The following FGD4 variants were observed in gnomAD, a reference collection of about 807,000 sequenced individuals.
The protein encoded by FGD4 is FYVE, RhoGEF and PH domain-containing protein 4.
FGD4 carries 42 observed loss-of-function variants against 102.0 expected under a neutral mutation model. The ratio of observed to expected loss-of-function variants is 0.41; its 90% CI spans 0.32 to 0.53. FGD4 has a LOEUF of 0.53. FGD4 is among the 20% of genes least tolerant of loss of function. The probability of loss-of-function intolerance (pLI) is 0.21; values close to 1 mark genes in which losing one functional copy is unlikely to be tolerated. For synonymous variants in FGD4, 380 were observed against 375.7 expected (o/e 1.01, Z -0.13); for missense variants, 902 against 1,078.2 (o/e 0.84, Z 2.29).
intron 1 of FGD4, among the ~76,000 whole-genome samples, chr12:32,516,112 G>A (rs1939856021): frequency 6.6e-6 from 1 of 152,100 alleles, no homozygotes; most frequent in African/African-American, 2.4e-5. Flanking sequence ...AACAATTGGG[G>A]GGTGGGGGAT....
intron 1 of FGD4, among the ~76,000 whole-genome samples, chr12:32,441,047 G>A (rs951276503): frequency 6.6e-6 from 1 of 152,170 alleles, no homozygotes; most frequent in African/African-American, 2.4e-5. Context: ...TCAGGGAAGT[G>A]GGCTCCCCTC....
intron 1 of FGD4, among the ~76,000 whole-genome samples, chr12:32,442,829 A>G (rs975822874): frequency 2.6e-5 from 4 of 152,088 alleles, no homozygotes; most frequent in African/African-American, 9.7e-5. Flanking sequence ...AAGTGTTGGG[A>G]TTACAGGCAT....
chr12:32,444,324 AC>A (rs1362458490), intron 1 of FGD4, among the ~76,000 whole-genome samples: 1 of 152,088 alleles, frequency 6.6e-6, no homozygotes, highest in Non-Finnish European at 1.5e-5. Flanking sequence ...CACCCAGCCA[AC>A]AGGCTGATTT....
In FGD4 at chr12:32,557,184, T is replaced by C. The variant is rs1007464585; in HGVS notation, c.167-6953T>C. Among the ~76,000 whole-genome samples the C allele has an allele frequency of 2.0e-5, 3 of 152,362 alleles. No individual in the cohort carries two copies. In the East Asian group the frequency reaches 5.8e-4, roughly 29 times the overall value. ...TGCTTTTTTAAAAGTCTCTGTGATA[T>C]GTATACTTGGTGACTTTCATAGATT... On this transcript the variant is annotated intron_variant, in intron 1 of 16. Transcript: ENST00000534526.
intron 1 of FGD4, among the ~76,000 whole-genome samples, chr12:32,427,218 C>G (rs994051246): frequency 2.0e-5 from 3 of 152,260 alleles, no homozygotes; most frequent in East Asian, 3.9e-4. Context: ...ATGAATTTCC[C>G]TCTAAACACT....
At chr12:32,413,759 C>T (rs1941295178) in intron 1 of FGD4, among the ~76,000 whole-genome samples, 2 of 152,134 alleles carry the variant, frequency 1.3e-5, no homozygotes, top group African/African-American at 4.8e-5. Context: ...GACTGTACTT[C>T]GGACCATGGT....
intron 1 of FGD4, among the ~76,000 whole-genome samples, chr12:32,417,927 T>C (rs201788741): frequency 1.4e-5 from 2 of 146,694 alleles, no homozygotes; most frequent in East Asian, 4.1e-4. Context: ...TCTGTTTTTT[T>C]CCAGGAATGG....
At chr12:32,541,616 A>G (rs1592158218) in intron 1 of FGD4, among the ~76,000 whole-genome samples, 1 of 152,234 alleles carries the variant, frequency 6.6e-6, no homozygotes, top group Non-Finnish European at 1.5e-5. Context: ...CGCCCGCCTC[A>G]GCCTCCCAAA....
In FGD4 at chr12:32,601,984, G is replaced by A. The variant is rs12298671; in HGVS notation, c.1248-177G>A. Among the ~76,000 whole-genome samples, 13,794 of 152,168 alleles carry A rather than the reference G, an allele frequency of 0.091. 2,093 individuals carry two copies. The highest frequency in any genetic ancestry group is 0.31 in the African/African-American group (13,014 of 41,472). On this transcript the variant is annotated intron_variant, in intron 6 of 16. Transcript: ENST00000534526. ...CTAGCCACTAGCCAGGCGTGGTGGCGCGTGCCTGTAGTCCCAGCTACTGAG... is the reference window on the plus strand; with the variant it reads ...CTAGCCACTAGCCAGGCGTGGTGGCACGTGCCTGTAGTCCCAGCTACTGAG...
At chr12:32,607,817 A>T in intron 7 of FGD4, 140 bp from the exon 8 acceptor site, 1 of 881,926 alleles carries the variant, frequency 1.1e-6, no homozygotes, top group Non-Finnish European at 1.8e-6. Context: ...CCTGGCCAGA[A>T]ATCTGCATTT....
chr12:32,459,125 G>A (rs1478552498), intron 1 of FGD4, among the ~76,000 whole-genome samples: 1 of 150,622 alleles, frequency 6.6e-6, no homozygotes, highest in African/African-American at 2.4e-5. Context: ...AGCAGGAAGA[G>A]TTGGGCCAGC....
intron 1 of FGD4, among the ~76,000 whole-genome samples, chr12:32,532,886 ATTT>A (rs995444991): frequency 1.3e-5 from 2 of 152,122 alleles, no homozygotes; most frequent in African/African-American, 4.8e-5. Flanking sequence ...TGTAAAGCTT[ATTT>A]ATTTATGCCT....
intron 4 of FGD4, among the ~76,000 whole-genome samples, chr12:32,587,187 CAAAAAAAAAAAAA>C (rs1181469038): frequency 0.023 from 1,508 of 66,208 alleles, 48 homozygotes; most frequent in African/African-American, 0.069. Context: ...GAGACTCTCT[CAAAAAAAAAAAAA>C]AAAAAAAAAA....
intron 10 of FGD4, among the ~76,000 whole-genome samples, chr12:32,616,053 C>T (rs144285496): frequency 6.6e-5 from 10 of 152,212 alleles, no homozygotes; most frequent in South Asian, 2.1e-4. Flanking sequence ...AATAAAAAGA[C>T]GTGCTTAATA....
chr12:32,496,422 T>C (rs1018188394), intron 1 of FGD4, among the ~76,000 whole-genome samples: 1 of 152,216 alleles, frequency 6.6e-6, no homozygotes, highest in African/African-American at 2.4e-5. Context: ...CTATTTTATC[T>C]TGTTAGCTCC....
In FGD4 at chr12:32,625,682, G is replaced by A; in HGVS notation, c.2075G>A (p.Arg692Lys). 2 of 1,613,968 alleles carry A rather than the reference G, an allele frequency of 1.2e-6. No homozygotes were observed. The highest frequency in any genetic ancestry group is 2.2e-5 in the East Asian group (1 of 44,880). The change falls in exon 14 of 17, where the codon AGA becomes AAA. Residue 692 changes from arginine to lysine, a missense_variant. This residue lies in a region of FGD4 where 459 missense variants were observed against 619.0 expected (regional missense o/e 0.74). Coordinates refer to ENST00000534526, the MANE Select transcript of FGD4 (RefSeq NM_001370298.3). ...GCTGAGCTAGGGAAAAGAGCCCCAAGATGGATCCGAGATAATGAAGTGACA... is the reference window on the plus strand; with the variant it reads ...GCTGAGCTAGGGAAAAGAGCCCCAAAATGGATCCGAGATAATGAAGTGACA... ...STAELGKRAP[R>K]WIRDNEVTMC...
At chr12:32,474,162 A>G (rs935597626) in intron 1 of FGD4, among the ~76,000 whole-genome samples, 3 of 152,120 alleles carry the variant, frequency 2.0e-5, no homozygotes, top group Non-Finnish European at 4.4e-5. Flanking sequence ...GAAATGTAAA[A>G]TGGTACAGTT....
At chr12:32,450,563 T>G (rs2728713) in intron 1 of FGD4, among the ~76,000 whole-genome samples, 67,062 of 151,590 alleles carry the variant, frequency 0.44, 16,475 homozygotes, top group African/African-American at 0.67. Context: ...CCCTACCCTG[T>G]TACTAGAATC....
chr12:32,581,853 G>GA (rs1215364832), intron 3 of FGD4, 107 bp from the exon 4 acceptor site: 833 of 1,230,162 alleles, frequency 6.8e-4, no homozygotes, highest in Middle Eastern at 1.0e-3. Context: ...ATCAGAGATA[G>GA]AAAAAAAAAG....
Sources: allele counts gnomAD v4.1 joint callset (sites outside exome capture counted in the v4.1 genomes callset), GRCh38; gene constraint gnomAD v4.1.1; regional missense constraint gnomAD v4.1.1; transcripts MANE v1.5; gene names NCBI Gene and HGNC (gene_info 2026-07-23, HGNC 2026-07-21).